The following KCNQ3 variants were observed in gnomAD, a reference collection of about 807,000 sequenced individuals.
The protein encoded by KCNQ3 is potassium voltage-gated channel subfamily Q member 3.
KCNQ3 carries 30 observed loss-of-function variants against 92.5 expected under a neutral mutation model. The observed-to-expected ratio is 0.32, with a 90% CI of 0.24 to 0.44. The LOEUF (loss-of-function observed/expected upper bound fraction) is 0.44, where lower values mean the gene tolerates loss of function less well. KCNQ3 is among the 20% of genes least tolerant of loss of function. The pLI is 1.00. For synonymous variants in KCNQ3, 450 were observed against 468.8 expected, an observed-to-expected ratio of 0.96 and a Z score of 0.52; for missense variants, 913 against 1,140.3, an observed-to-expected ratio of 0.80 and a Z score of 2.87.
intron 1 of KCNQ3, among the ~76,000 whole-genome samples, chr8:132,440,632 G>A (rs1821513275): frequency 6.6e-6 from 1 of 152,174 alleles, no homozygotes. Context: ...ACGAAGACAA[G>A]GAAGCAGGAG....
chr8:132,415,462 C>T (rs1820770620), intron 1 of KCNQ3, among the ~76,000 whole-genome samples: 1 of 152,222 alleles, frequency 6.6e-6, no homozygotes, highest in African/African-American at 2.4e-5. Flanking sequence ...CCAAGTCACC[C>T]ACCTCTGGAT....
chr8:132,252,666 T>C (rs1366883369), intron 1 of KCNQ3, among the ~76,000 whole-genome samples: 1 of 152,220 alleles, frequency 6.6e-6, no homozygotes, highest in East Asian at 1.9e-4. Context: ...TACAGAGTGC[T>C]GATTGGCCCA....
At chr8:132,469,598 T>A (rs1822252317) in intron 1 of KCNQ3, among the ~76,000 whole-genome samples, 2 of 152,088 alleles carry the variant, frequency 1.3e-5, no homozygotes, top group South Asian at 4.2e-4. Flanking sequence ...TTTGAAGATC[T>A]TTTCCTTGCT....
rs193079400 is a variant in KCNQ3 at position 132,353,675 on chromosome 8, G to A, written c.386+126472C>T. ...CTAAAAATACAAAAATTAGCTGGGC[G>A]TGGTGGCGCACGGCTGTAATCTCAG... is the stretch of plus-strand genomic sequence containing the variant. On this transcript the variant is annotated intron_variant, in intron 1 of 14. Coordinates refer to ENST00000388996, the MANE Select transcript of KCNQ3 (RefSeq NM_004519.4). 1.5e-4 allele frequency among the ~76,000 whole-genome samples: 23 copies of A among 152,060 alleles called. No homozygotes were observed. The East Asian group carries it at 3.5e-3, about 23-fold the overall frequency.
chr8:132,280,735 A>G (rs945464848), intron 1 of KCNQ3, among the ~76,000 whole-genome samples: 3 of 152,226 alleles, frequency 2.0e-5, no homozygotes, highest in Non-Finnish European at 2.9e-5. Flanking sequence ...TATTCCAGGC[A>G]GAGGGAGCAG....
In KCNQ3 at chr8:132,223,494, T is replaced by C. The variant is rs565396729; in HGVS notation, c.387-37313A>G. On this transcript the variant is annotated intron_variant, in intron 1 of 14. Transcript: ENST00000388996. ...TAGCACATTTTGCCAGGTGGGGCTA[T>C]CAATTTGTATTAGTTATAATTAAGA... is the stretch of plus-strand genomic sequence containing the variant. Among the ~76,000 whole-genome samples the C allele has an allele frequency of 1.9e-3, 287 of 152,332 alleles. 1 individual carries two copies. The highest frequency in any genetic ancestry group is 6.5e-3 in the African/African-American group (272 of 41,596).
chr8:132,414,225 C>T (rs1224343371), intron 1 of KCNQ3, among the ~76,000 whole-genome samples: 1 of 152,208 alleles, frequency 6.6e-6, no homozygotes. Flanking sequence ...AGGTCACCAG[C>T]CCCTGGTCCC....
rs1826715607 is a variant in KCNQ3 at position 132,180,316 on chromosome 8, C to G, written c.618G>C (p.Leu206=). ...KPLCMLDIFV[L]IASVPVVAVG... ...CAGCAACCACTGGCACAGAGGCAAT[C>G]AGCACAAAGATGTCTGGGAGAGAGG... The change falls in exon 4 of 15, where the codon CTG becomes CTC. Residue 206 remains leucine, a synonymous_variant. Transcript: ENST00000388996. 6.2e-7 allele frequency: 1 copy of G among 1,613,950 alleles called. No individual in the cohort carries two copies. Among genetic ancestry groups the G allele is most frequent in the African/African-American group, 1.3e-5 (1 of 74,932 alleles).
At chr8:132,443,160 G>C (rs1376428382) in intron 1 of KCNQ3, among the ~76,000 whole-genome samples, 1 of 152,176 alleles carries the variant, frequency 6.6e-6, no homozygotes, top group African/African-American at 2.4e-5. Context: ...GAGGGGGTCG[G>C]GGAGGACTGG....
At chr8:132,428,904 CAG>C (rs1319800217) in intron 1 of KCNQ3, among the ~76,000 whole-genome samples, 5 of 152,076 alleles carry the variant, frequency 3.3e-5, no homozygotes, top group Non-Finnish European at 5.9e-5. Flanking sequence ...AACCTCCAAA[CAG>C]AACATCACGT....
intron 8 of KCNQ3, among the ~76,000 whole-genome samples, chr8:132,165,004 C>T (rs1250481393): frequency 6.6e-6 from 1 of 152,134 alleles, no homozygotes; most frequent in Non-Finnish European, 1.5e-5. Context: ...CAGACCAGGC[C>T]ATCTCTGCTT....
Position 132,126,765 on chromosome 8 carries a change from T to C in KCNQ3, c.*2497A>G, listed in dbSNP as rs961940821. The C allele has an allele frequency of 1.3e-5, 2 of 152,174 alleles. No homozygotes were observed. The highest frequency in any genetic ancestry group is 2.4e-5 in the African/African-American group (1 of 41,456). 9.4% of individuals were successfully genotyped at this position (152,174 alleles called of 1,614,324 possible). On this transcript the variant is annotated 3_prime_UTR_variant, in exon 15 of 15. Transcript: ENST00000388996. ...AAATAATACAAGCTCCAATCCTTTC[T>C]AGGTTATTAAAAGAATCTAAGGTAG...
At chr8:132,188,307 T>TC (rs1222576785) in intron 1 of KCNQ3, among the ~76,000 whole-genome samples, 1 of 152,218 alleles carries the variant, frequency 6.6e-6, no homozygotes, top group Admixed American at 6.5e-5. Context: ...ACAAACATGC[T>TC]CATCATTGGC....
intron 4 of KCNQ3, among the ~76,000 whole-genome samples, chr8:132,178,336 T>C (rs536086045): frequency 3.9e-5 from 6 of 152,276 alleles, no homozygotes; most frequent in African/African-American, 1.4e-4. Flanking sequence ...AGACAAAAAA[T>C]AAAACACAGA....
At chr8:132,313,431 T>A (rs972892664) in intron 1 of KCNQ3, among the ~76,000 whole-genome samples, 3 of 152,214 alleles carry the variant, frequency 2.0e-5, no homozygotes, top group African/African-American at 7.2e-5. Context: ...TTTTTAATGT[T>A]ACCATATGGA....
At chr8:132,358,971 C>T (rs577964698) in intron 1 of KCNQ3, among the ~76,000 whole-genome samples, 1 of 152,324 alleles carries the variant, frequency 6.6e-6, no homozygotes, top group Non-Finnish European at 1.5e-5. Flanking sequence ...TTGGAACCAT[C>T]CCTCTCCATT....
In KCNQ3 at chr8:132,122,850, A is replaced by G. The variant is rs1824528156; in HGVS notation, c.*6412T>C. 6.6e-6 allele frequency: 1 copy of G among 152,216 alleles called. No homozygotes were observed. The highest frequency in any genetic ancestry group is 2.4e-5 in the African/African-American group (1 of 41,458). The allele number at this position is 152,216 out of a possible 1,614,324, so 9.4% of individuals were successfully genotyped here. A position where few individuals can be genotyped will look rare whatever the true frequency, so the allele number is the denominator to read the frequency against. On this transcript the variant is annotated 3_prime_UTR_variant, in exon 15 of 15. Coordinates refer to ENST00000388996, the MANE Select transcript of KCNQ3 (RefSeq NM_004519.4). Reference sequence around the variant, plus strand: ...ACAATGAAGATGTTCATTTGAGCCAACAGAGGCCTGTTTACTTCCTAAAAT... The same window carrying G: ...ACAATGAAGATGTTCATTTGAGCCAGCAGAGGCCTGTTTACTTCCTAAAAT...
intron 1 of KCNQ3, among the ~76,000 whole-genome samples, chr8:132,294,572 C>T (rs1229863046): frequency 6.6e-6 from 1 of 152,114 alleles, no homozygotes; most frequent in African/African-American, 2.4e-5. Context: ...ACTTTCTTTA[C>T]CCAGGGACAC....
At chr8:132,425,926 T>C (rs966984255) in intron 1 of KCNQ3, among the ~76,000 whole-genome samples, 4 of 152,194 alleles carry the variant, frequency 2.6e-5, no homozygotes, top group Non-Finnish European at 5.9e-5. Context: ...ATATTTTGGT[T>C]CTCCCAACCA....
Sources: allele counts gnomAD v4.1 joint callset (sites outside exome capture counted in the v4.1 genomes callset), GRCh38; gene constraint gnomAD v4.1.1; transcripts MANE v1.5; gene names NCBI Gene and HGNC (gene_info 2026-07-23, HGNC 2026-07-21).